The following NMBR variants were observed in gnomAD, a reference collection of about 807,000 sequenced individuals.
NMBR encodes the protein neuromedin-B receptor.
In NMBR, 16 loss-of-function variants were observed where a neutral mutation model predicts 20.5. That is an observed-to-expected ratio of 0.78 (90% confidence interval 0.53 to 1.19). The LOEUF is 1.19. Ranked by LOEUF, NMBR falls within the 50% of genes most tolerant of loss-of-function variation. The pLI, the probability that NMBR is intolerant of heterozygous loss-of-function variation, is 0.00. For missense variants in NMBR, 582 were observed against 499.1 expected (o/e 1.17, Z -1.58); for synonymous variants, 212 against 196.6 (o/e 1.08, Z -0.65).
chr6:142,079,765 C>T (rs1208476607), intron 2 of NMBR, among the ~76,000 whole-genome samples: 1 of 152,092 alleles, frequency 6.6e-6, no homozygotes, highest in African/African-American at 2.4e-5. Context: ...AATATTCTGT[C>T]TTTATAGCTC....
In NMBR at chr6:142,109,476, C is replaced by CTTT. The variant is rs77684305; in HGVS notation, c.-663-20158_-663-20156dup. On this transcript the variant is annotated intron_variant, in intron 1 of 3. Coordinates refer to ENST00000258042, the MANE Select transcript of NMBR (RefSeq NM_002511.4). ...TCAGTGTGTAAGACATTGGGTATGT[C>CTTT]TTTTTTTTTTTTTTTTTTTTTGAGT... 3.2e-3 allele frequency among the ~76,000 whole-genome samples: 351 copies of CTTT among 108,298 alleles called. 5 individuals carry two copies. The highest frequency in any genetic ancestry group is 9.7e-3 in the African/African-American group (283 of 29,078). The allele number at this position is 108,298 out of a possible 152,430, so 71.0% of individuals were successfully genotyped here.
In NMBR at chr6:142,088,306, A is replaced by G; in HGVS notation, c.353T>C (p.Leu118Pro). 2.5e-6 allele frequency: 4 copies of G among 1,614,078 alleles called. No individual in the cohort carries two copies. Among genetic ancestry groups the G allele is most frequent in the Admixed American group, 1.7e-5 (1 of 60,024 alleles). ...GGAAGTGAGCTGGATGACAGGGATCAGTTTGCAGCCCACCTTGCCAAACAT... is the reference window on the plus strand; with the variant it reads ...GGAAGTGAGCTGGATGACAGGGATCGGTTTGCAGCCCACCTTGCCAAACAT... ...EWMFGKVGCK[L>P]IPVIQLTSVG... The change falls in exon 2 of 4, where the codon CTG becomes CCG. Residue 118 changes from leucine (L) to proline (P), a missense_variant. Physicochemically the swap from Leu to Pro is moderately conservative, Grantham distance 98. Transcript: ENST00000258042.
At chr6:142,076,321 T>G (rs1396889028) in intron 3 of NMBR, among the ~76,000 whole-genome samples, 2 of 152,210 alleles carry the variant, frequency 1.3e-5, no homozygotes, top group Non-Finnish European at 2.9e-5. Flanking sequence ...TATTTATTTA[T>G]TTTCTTTTTG....
chr6:142,078,389 G>A lies in NMBR; in HGVS notation c.771+166C>T, dbSNP rs181541562. On this transcript the variant is annotated intron_variant, in intron 3 of 3. Transcript: ENST00000258042. Reference sequence around the variant, plus strand: ...CCTAAGCAGGCCTTTGCAGGGCTCTGATATGACCATATATTAGAGATCCCC... The same window carrying A: ...CCTAAGCAGGCCTTTGCAGGGCTCTAATATGACCATATATTAGAGATCCCC... 4.6e-3 allele frequency among the ~76,000 whole-genome samples: 705 copies of A among 152,196 alleles called. 4 individuals carry two copies. Among genetic ancestry groups the A allele is most frequent in the Non-Finnish European group, 6.6e-3 (450 of 68,024 alleles).
chr6:142,091,132 T>C (rs1198138491), intron 1 of NMBR, among the ~76,000 whole-genome samples: 1 of 152,216 alleles, frequency 6.6e-6, no homozygotes, highest in Non-Finnish European at 1.5e-5. Flanking sequence ...TTATTTAGAT[T>C]CATCACAAAA....
At chr6:142,087,617 G>T (rs1415763983) in intron 2 of NMBR, among the ~76,000 whole-genome samples, 2 of 151,986 alleles carry the variant, frequency 1.3e-5, no homozygotes, top group Admixed American at 6.6e-5. Flanking sequence ...TGTATTTTGG[G>T]TACCTATCTG....
intron 1 of NMBR, among the ~76,000 whole-genome samples, chr6:142,096,025 T>C (rs1003087995): frequency 1.6e-4 from 24 of 152,192 alleles, no homozygotes; most frequent in African/African-American, 5.3e-4. Context: ...TTATTGCATC[T>C]ATTTGATTCT....
At position 142,088,720 on chromosome 6, in the gene NMBR, C is replaced by G; in HGVS notation, c.-62G>C. 6.9e-7 allele frequency: 1 copy of G among 1,450,698 alleles called. No individual in the cohort carries two copies. Among genetic ancestry groups the G allele is most frequent in the Non-Finnish European group, 9.3e-7 (1 of 1,072,794 alleles). 89.9% of individuals were successfully genotyped at this position (1,450,698 alleles called of 1,614,324 possible). A position where few individuals can be genotyped will look rare whatever the true frequency, so the allele number is the denominator to read the frequency against. ...GCGCTCCGGTGCCCTGAGGACTGAA[C>G]GCCCACGATTTAGGTTTAATCGATG... On this transcript the variant is annotated 5_prime_UTR_variant, in exon 2 of 4. Coordinates refer to ENST00000258042, the MANE Select transcript of NMBR (RefSeq NM_002511.4).
chr6:142,083,439 C>T (rs1387515548), intron 2 of NMBR, among the ~76,000 whole-genome samples: 1 of 152,074 alleles, frequency 6.6e-6, no homozygotes, highest in African/African-American at 2.4e-5. Context: ...CCTTTTTAGT[C>T]CTGTGGTGTG....
At chr6:142,138,822 A>G (rs549967209) in intron 1 of NMBR, among the ~76,000 whole-genome samples, 6 of 152,230 alleles carry the variant, frequency 3.9e-5, no homozygotes, top group Admixed American at 6.5e-5. Context: ...TTGGATGCCA[A>G]TTATTTTTCT....
chr6:142,127,358 T>G (rs1225514545), intron 1 of NMBR, among the ~76,000 whole-genome samples: 1 of 152,056 alleles, frequency 6.6e-6, no homozygotes, highest in Non-Finnish European at 1.5e-5. Context: ...TCTGTTTTTA[T>G]GCCAATACTA....
intron 1 of NMBR, among the ~76,000 whole-genome samples, chr6:142,120,630 A>G (rs1777929920): frequency 6.6e-6 from 1 of 151,970 alleles, no homozygotes; most frequent in African/African-American, 2.4e-5. Context: ...CAGAGTGGAA[A>G]GACCTTGTAA....
intron 1 of NMBR, among the ~76,000 whole-genome samples, chr6:142,090,353 T>A (rs1334664431): frequency 6.6e-6 from 1 of 152,106 alleles, no homozygotes; most frequent in African/African-American, 2.4e-5. Context: ...ATGTCACTTA[T>A]AAATTAAGCA....
chr6:142,103,293 C>T (rs1562239879), intron 1 of NMBR, among the ~76,000 whole-genome samples: 1 of 152,172 alleles, frequency 6.6e-6, no homozygotes, highest in Non-Finnish European at 1.5e-5. Context: ...ATTATAACAA[C>T]AGCCCTTTTG....
At chr6:142,110,091 T>C (rs905124630) in intron 1 of NMBR, among the ~76,000 whole-genome samples, 6 of 152,206 alleles carry the variant, frequency 3.9e-5, no homozygotes, top group Non-Finnish European at 8.8e-5. Context: ...GGCAAGCATA[T>C]GAAGAAATTC....
chr6:142,079,387 C>T (rs1777046963), intron 2 of NMBR, among the ~76,000 whole-genome samples: 1 of 151,908 alleles, frequency 6.6e-6, no homozygotes, highest in Non-Finnish European at 1.5e-5. Context: ...GCACAGAAAA[C>T]AAAAAGAGAG....
At chr6:142,097,833 C>T (rs757074479) in intron 1 of NMBR, among the ~76,000 whole-genome samples, 3 of 151,586 alleles carry the variant, frequency 2.0e-5, no homozygotes, top group Non-Finnish European at 2.9e-5. Flanking sequence ...AAGGAAGTTG[C>T]ATATTAAGGA....
chr6:142,094,757 C>G (rs1032815767), intron 1 of NMBR, among the ~76,000 whole-genome samples: 2 of 152,104 alleles, frequency 1.3e-5, no homozygotes, highest in African/African-American at 2.4e-5. Flanking sequence ...TGTCCATTTC[C>G]ACGATATTGA....
chr6:142,094,588 G>T (rs1276402317), intron 1 of NMBR, among the ~76,000 whole-genome samples: 1 of 152,204 alleles, frequency 6.6e-6, no homozygotes, highest in African/African-American at 2.4e-5. Context: ...GTAAGGTGAT[G>T]CCTGCAGCTT....
Sources: allele counts gnomAD v4.1 joint callset (sites outside exome capture counted in the v4.1 genomes callset), GRCh38; gene constraint gnomAD v4.1.1; transcripts MANE v1.5; gene names NCBI Gene and HGNC (gene_info 2026-07-23, HGNC 2026-07-21).